The following PLCXD3 variants were observed in gnomAD, a reference collection of about 807,000 sequenced individuals.
PLCXD3 encodes the protein phosphatidylinositol specific phospholipase C X domain containing 3.
Under a neutral mutation model 25.5 loss-of-function variants are expected in PLCXD3, and 19 were observed. The observed-to-expected ratio is 0.75, with a 90% CI of 0.52 to 1.09. The LOEUF is 1.09. PLCXD3 is among the 50% of genes least tolerant of loss of function. The pLI is 0.00. For missense variants in PLCXD3, 411 were observed against 388.1 expected (o/e 1.06, Z -0.50); for synonymous variants, 174 against 137.6 (o/e 1.26, Z -1.85).
chr5:41,448,682 T>C (rs1747560499), intron 1 of PLCXD3, among the ~76,000 whole-genome samples: 1 of 152,190 alleles, frequency 6.6e-6, no homozygotes, highest in Non-Finnish European at 1.5e-5. Context: ...CTTTTCTTCT[T>C]TCCCTACCTC....
At chr5:41,384,452 A>C (rs1024727819) in intron 1 of PLCXD3, among the ~76,000 whole-genome samples, 3 of 152,114 alleles carry the variant, frequency 2.0e-5, no homozygotes, top group Non-Finnish European at 4.4e-5. Flanking sequence ...CTTATTTAAA[A>C]ATAAATTTAA....
At chr5:41,482,991 T>A (rs1748445044) in intron 1 of PLCXD3, among the ~76,000 whole-genome samples, 1 of 152,244 alleles carries the variant, frequency 6.6e-6, no homozygotes. Context: ...ATGTAACTAT[T>A]TGAGATATCT....
chr5:41,510,327 G>T, intron 1 of PLCXD3, 97 bp downstream of exon 1: 2 of 1,056,920 alleles, frequency 1.9e-6, no homozygotes, highest in Non-Finnish European at 2.8e-6. Flanking sequence ...TCCCTCCCGC[G>T]GGCATCGTGG....
intron 1 of PLCXD3, among the ~76,000 whole-genome samples, chr5:41,396,941 T>A (rs571389790): frequency 6.6e-6 from 1 of 152,336 alleles, no homozygotes; most frequent in Non-Finnish European, 1.5e-5. Context: ...GCCTTGCTGC[T>A]TCTAAAAGCC....
At chr5:41,487,335 G>A (rs1263955921) in intron 1 of PLCXD3, among the ~76,000 whole-genome samples, 1 of 152,120 alleles carries the variant, frequency 6.6e-6, no homozygotes. Context: ...AAAAAAAGGA[G>A]CTCACTTGAC....
intron 1 of PLCXD3, among the ~76,000 whole-genome samples, chr5:41,418,514 T>TGA (rs72536310): frequency 0.92 from 140,200 of 152,134 alleles, 65,044 homozygotes; most frequent in African/African-American, 0.96. Flanking sequence ...AAAAAACACA[T>TGA]GTCATATTAA....
intron 1 of PLCXD3, among the ~76,000 whole-genome samples, chr5:41,490,555 C>T (rs2150525383): frequency 6.6e-6 from 1 of 152,242 alleles, no homozygotes; most frequent in East Asian, 1.9e-4. Context: ...GCTGTGAATC[C>T]ATCTGGTCCT....
chr5:41,456,774 A>G (rs1163163378), intron 1 of PLCXD3, among the ~76,000 whole-genome samples: 1 of 151,920 alleles, frequency 6.6e-6, no homozygotes, highest in Non-Finnish European at 1.5e-5. Flanking sequence ...AAAGACAGCC[A>G]TCTATCAAAC....
intron 1 of PLCXD3, among the ~76,000 whole-genome samples, chr5:41,452,638 G>A (rs773016121): frequency 6.6e-6 from 1 of 151,996 alleles, no homozygotes; most frequent in Admixed American, 6.6e-5. Context: ...CACTCAAGTT[G>A]CCCCTCTGCA....
chr5:41,362,785 G>A (rs915479380), intron 2 of PLCXD3, among the ~76,000 whole-genome samples: 2 of 152,134 alleles, frequency 1.3e-5, no homozygotes, highest in Admixed American at 1.3e-4. Context: ...TTATTATAGT[G>A]CTGCGTAGTC....
intron 1 of PLCXD3, among the ~76,000 whole-genome samples, chr5:41,483,009 G>C (rs375857041): frequency 2.5e-4 from 38 of 152,274 alleles, no homozygotes; most frequent in African/African-American, 9.1e-4. Flanking sequence ...TCTTATATAA[G>C]TGGAATCATA....
chr5:41,410,295 AC>A (rs1192321692), intron 1 of PLCXD3, among the ~76,000 whole-genome samples: 1 of 151,212 alleles, frequency 6.6e-6, no homozygotes, highest in African/African-American at 2.4e-5. Flanking sequence ...GTGCGCCCCC[AC>A]GCCTGGCTAA....
chr5:41,440,099 T>C (rs561477581), intron 1 of PLCXD3, among the ~76,000 whole-genome samples: 3 of 152,054 alleles, frequency 2.0e-5, no homozygotes, highest in East Asian at 3.9e-4. Flanking sequence ...TTGAGTATAG[T>C]GAATAAGTCC....
intron 1 of PLCXD3, among the ~76,000 whole-genome samples, chr5:41,487,025 G>A (rs1748533392): frequency 7.0e-6 from 1 of 143,364 alleles, no homozygotes; most frequent in Admixed American, 7.3e-5. Flanking sequence ...CCAAAGCAGT[G>A]TTAAAAATAA....
chr5:41,472,461 A>G (rs910147397), intron 1 of PLCXD3, among the ~76,000 whole-genome samples: 1 of 152,248 alleles, frequency 6.6e-6, no homozygotes, highest in African/African-American at 2.4e-5. Flanking sequence ...GGGGACAAAG[A>G]AGAAGATAAA....
At chr5:41,459,772 T>C (rs1747833807) in intron 1 of PLCXD3, among the ~76,000 whole-genome samples, 2 of 152,012 alleles carry the variant, frequency 1.3e-5, no homozygotes, top group Admixed American at 1.3e-4. Flanking sequence ...ACACTGTCAA[T>C]CTACTTGTCA....
At chr5:41,412,074 T>A (rs976014329) in intron 1 of PLCXD3, among the ~76,000 whole-genome samples, 12 of 151,910 alleles carry the variant, frequency 7.9e-5, no homozygotes, top group Admixed American at 7.9e-4. Context: ...TTTTACTTCT[T>A]AAGGAATTTT....
Position 41,313,450 on chromosome 5 carries a change from T to C in PLCXD3, c.*167A>G. On this transcript the variant is annotated 3_prime_UTR_variant, in exon 3 of 3. Transcript: ENST00000377801. The stretch of plus-strand genomic sequence containing the variant: ...ATGAAATATTTATAGTAATGAAGAG[T>C]ATGATTGTAATCACTGAAGAAACAG... The C allele has an allele frequency of 1.5e-6, 1 of 646,712 alleles. No individual in the cohort carries two copies. Among genetic ancestry groups the C allele is most frequent in the Non-Finnish European group, 2.6e-6 (1 of 390,948 alleles). The allele number at this position is 646,712 out of a possible 1,614,324, so 40.1% of individuals were successfully genotyped here.
chr5:41,430,546 T>A (rs1580369703), intron 1 of PLCXD3, among the ~76,000 whole-genome samples: 1 of 152,274 alleles, frequency 6.6e-6, no homozygotes, highest in East Asian at 1.9e-4. Context: ...ACAAAATGCT[T>A]CACAAGCATG....
Sources: gnomAD v4.1 joint callset for allele counts (sites outside exome capture counted in the v4.1 genomes callset) on GRCh38, gnomAD v4.1.1 for gene constraint, MANE v1.5 for transcripts, NCBI Gene and HGNC (gene_info 2026-07-23, HGNC 2026-07-21) for gene names.